The following CATSPERB variants were observed in gnomAD, a reference collection of about 807,000 sequenced individuals.
CATSPERB encodes cation channel sperm-associated auxiliary subunit beta.
A neutral mutation model predicts 128.3 loss-of-function variants in CATSPERB; 93 were observed. That is an observed-to-expected ratio of 0.72 (90% CI 0.61 to 0.86). The LOEUF (loss-of-function observed/expected upper bound fraction) is 0.86, where lower values mean the gene tolerates loss of function less well. Ranked by LOEUF, CATSPERB falls within the 40% of genes least tolerant of loss-of-function variation. The probability of loss-of-function intolerance (pLI) is 0.00; values close to 1 mark genes in which losing one functional copy is unlikely to be tolerated. For missense variants in CATSPERB, 1,153 were observed against 1,329.5 expected (o/e 0.87, Z 2.06); for synonymous variants, 381 against 448.8 (o/e 0.85, Z 1.91).
rs937090467 is a variant in CATSPERB, at chr14:91,648,473, T to G, written c.1433-9223A>C. ...GTTCCCTTATAGTCTTATCTTGATCTTCATGTATTAAAGATTTAACACTGT... is the reference window on the plus strand; with the variant it reads ...GTTCCCTTATAGTCTTATCTTGATCGTCATGTATTAAAGATTTAACACTGT... On this transcript the variant is annotated intron_variant, in intron 15 of 26. Coordinates refer to ENST00000256343, the MANE Select transcript of CATSPERB (RefSeq NM_024764.4). Among the ~76,000 whole-genome samples the G allele has an allele frequency of 8.5e-5, 13 of 152,364 alleles. No homozygotes were observed. In the South Asian group the frequency reaches 1.0e-3, roughly 12 times the overall value.
chr14:91,603,408 C>T lies in CATSPERB; in HGVS notation c.2709+4886G>A, dbSNP rs146503372. 2.4e-5 allele frequency: 39 copies of T among 1,605,776 alleles called. No individual in the cohort carries two copies. The Middle Eastern group carries it at 6.4e-4, about 26-fold the overall frequency. Reference sequence around the variant, plus strand: ...CTCAATATTAAAGGTATAAGCAGCACGTCCTCATCCTTTATTCCCAGCCAT... The same window carrying T: ...CTCAATATTAAAGGTATAAGCAGCATGTCCTCATCCTTTATTCCCAGCCAT... On this transcript the variant is annotated intron_variant, in intron 22 of 26. Transcript: ENST00000256343.
chr14:91,700,584 A>AG, intron 7 of CATSPERB, among the ~76,000 whole-genome samples: 1 of 152,160 alleles, frequency 6.6e-6, no homozygotes, highest in Non-Finnish European at 1.5e-5. Context: ...AATCGACCTA[A>AG]GTACTCATCA....
At chr14:91,655,538 T>C (rs1472688563) in intron 15 of CATSPERB, among the ~76,000 whole-genome samples, 1 of 152,124 alleles carries the variant, frequency 6.6e-6, no homozygotes, top group African/African-American at 2.4e-5. Flanking sequence ...AAAAATGCAA[T>C]TGACATACTG....
chr14:91,631,801 T>C (rs540679850), intron 17 of CATSPERB, among the ~76,000 whole-genome samples: 1 of 152,216 alleles, frequency 6.6e-6, no homozygotes, highest in South Asian at 2.1e-4. Flanking sequence ...TCTTGAGAAA[T>C]ATAAAGGGTA....
At position 91,615,856 on chromosome 14, in the gene CATSPERB, GT is replaced by G. The variant is rs1186958549; in HGVS notation, c.2400+1740del. ...AGATCATACAATAATTCTACTTTTA[GT>G]TTTTTGAGGATCATACATACAGTTT... On this transcript the variant is annotated intron_variant, in intron 20 of 26. Coordinates refer to ENST00000256343, the MANE Select transcript of CATSPERB (RefSeq NM_024764.4). 2.0e-5 allele frequency among the ~76,000 whole-genome samples: 3 copies of G among 148,592 alleles called. No individual in the cohort carries two copies. The East Asian group carries it at 5.9e-4, about 29-fold the overall frequency.
At chr14:91,686,425 C>A (rs1895377089) in intron 10 of CATSPERB, among the ~76,000 whole-genome samples, 1 of 152,152 alleles carries the variant, frequency 6.6e-6, no homozygotes, top group Non-Finnish European at 1.5e-5. Context: ...CCTGTCTAAA[C>A]ACCCACATAT....
chr14:91,673,295 C>T (rs1029731822), intron 12 of CATSPERB, among the ~76,000 whole-genome samples: 5 of 152,130 alleles, frequency 3.3e-5, no homozygotes, highest in Admixed American at 1.3e-4. Flanking sequence ...AAGTCAGACT[C>T]CTCATCCATC....
At chr14:91,702,818 C>A (rs1895674300) in intron 7 of CATSPERB, among the ~76,000 whole-genome samples, 1 of 151,870 alleles carries the variant, frequency 6.6e-6, no homozygotes, top group African/African-American at 2.4e-5. Context: ...AATACCAGAA[C>A]TTCCTGCTTA....
chr14:91,616,216 A>T (rs969298904), intron 20 of CATSPERB, among the ~76,000 whole-genome samples: 1 of 152,150 alleles, frequency 6.6e-6, no homozygotes, highest in Admixed American at 6.5e-5. Flanking sequence ...ACTAATTTAC[A>T]TTCTCAGCAA....
chr14:91,598,944 G>C (rs1469699362), intron 22 of CATSPERB, among the ~76,000 whole-genome samples: 2 of 151,782 alleles, frequency 1.3e-5, no homozygotes, highest in Non-Finnish European at 2.9e-5. Flanking sequence ...TTCATTCCTG[G>C]GCATAGGATG....
At chr14:91,721,510 GATA>G (rs906080287) in intron 4 of CATSPERB, among the ~76,000 whole-genome samples, 47 of 152,214 alleles carry the variant, frequency 3.1e-4, no homozygotes, top group African/African-American at 1.1e-3. Flanking sequence ...AAATCAAAAT[GATA>G]ATGAGATAGC....
chr14:91,649,599 C>T (rs910178053), intron 15 of CATSPERB, among the ~76,000 whole-genome samples: 2 of 150,668 alleles, frequency 1.3e-5, no homozygotes, highest in African/African-American at 4.9e-5. Flanking sequence ...TGGGTTCAAG[C>T]GATTCTCCTG....
At chr14:91,609,945 C>CT (rs1893793179) in intron 21 of CATSPERB, among the ~76,000 whole-genome samples, 1 of 152,028 alleles carries the variant, frequency 6.6e-6, no homozygotes, top group Non-Finnish European at 1.5e-5. Context: ...GGTCTCGATA[C>CT]CCTGACCTCA....
At chr14:91,681,161 A>G (rs1895274711) in intron 11 of CATSPERB, among the ~76,000 whole-genome samples, 1 of 152,216 alleles carries the variant, frequency 6.6e-6, no homozygotes. Flanking sequence ...TCGTACGTTT[A>G]GCCAACGTTT....
At chr14:91,703,900 C>T (rs1895693191) in intron 7 of CATSPERB, among the ~76,000 whole-genome samples, 2 of 152,172 alleles carry the variant, frequency 1.3e-5, no homozygotes, top group Non-Finnish European at 2.9e-5. Context: ...TTGATTAGAA[C>T]TACAACCTGG....
chr14:91,627,304 A>G (rs776865447), intron 17 of CATSPERB, among the ~76,000 whole-genome samples: 2 of 152,208 alleles, frequency 1.3e-5, no homozygotes, highest in Non-Finnish European at 2.9e-5. Flanking sequence ...AGACATATAA[A>G]GGACTGTTAT....
At chr14:91,654,920 T>C (rs1057304358) in intron 15 of CATSPERB, among the ~76,000 whole-genome samples, 1 of 152,034 alleles carries the variant, frequency 6.6e-6, no homozygotes, top group African/African-American at 2.4e-5. Context: ...AGAGACACTA[T>C]TTGTTTGGTG....
chr14:91,586,571 A>AGAAAGAGAG (rs374162982), intron 26 of CATSPERB, among the ~76,000 whole-genome samples: 8 of 114,244 alleles, frequency 7.0e-5, no homozygotes, highest in African/African-American at 1.8e-4. Context: ...GAGAGAGAGA[A>AGAAAGAGAG]AGAGAGAGAG....
chr14:91,680,676 A>C (rs8013591), intron 11 of CATSPERB, among the ~76,000 whole-genome samples: 118,568 of 151,914 alleles, frequency 0.78, 46,538 homozygotes, highest in Admixed American at 0.83. Context: ...AGACCTGGGA[A>C]AGGTAGTCAT....
Sources: gnomAD v4.1 joint callset for allele counts (sites outside exome capture counted in the v4.1 genomes callset) on GRCh38, gnomAD v4.1.1 for gene constraint, MANE v1.5 for transcripts, NCBI Gene and HGNC (gene_info 2026-07-23, HGNC 2026-07-21) for gene names.